The following HMGCLL1 variants were observed in gnomAD, a reference collection of about 807,000 sequenced individuals.
The protein encoded by HMGCLL1 is 3-hydroxymethyl-3-methylglutaryl-CoA lyase, cytoplasmic.
HMGCLL1 carries 36 observed loss-of-function variants against 39.1 expected under a neutral mutation model. The ratio of observed to expected loss-of-function variants is 0.92; its 90% CI spans 0.71 to 1.22. HMGCLL1 has a LOEUF of 1.22. HMGCLL1 is among the 50% of genes most tolerant of loss of function. The pLI is 0.00. For synonymous variants in HMGCLL1, 149 were observed against 144.0 expected (o/e 1.03, Z -0.25); for missense variants, 451 against 416.5 (o/e 1.08, Z -0.72).
At chr6:55,579,495 T>C (rs964238701), upstream of HMGCLL1, among the ~76,000 whole-genome samples, 2 of 152,144 alleles carry the variant, frequency 1.3e-5, no homozygotes, top group African/African-American at 4.8e-5. Context: ...GTTCGTTCAT[T>C]CCCAGCTGCA....
chr6:55,660,076 G>T, the HMGCLL1 span, among the ~76,000 whole-genome samples: 4 of 151,696 alleles, frequency 2.6e-5, no homozygotes, highest in African/African-American at 9.7e-5. Flanking sequence ...ATTAGGGAGG[G>T]AGTCAACTCA....
At position 55,499,295 on chromosome 6, in the gene HMGCLL1, C is replaced by T. The variant is rs769295854; in HGVS notation, c.547G>A (p.Val183Met). The T allele has an allele frequency of 6.9e-6, 11 of 1,595,500 alleles. No homozygotes were observed. The highest frequency in any genetic ancestry group is 6.8e-6 in the Non-Finnish European group (8 of 1,171,172). Residue 183 changes from valine (V) to methionine (M), a missense_variant, in exon 6 of 9, where the codon GTG (valine) becomes ATG (methionine). By Grantham distance (21) the Val-to-Met change is conservative. Coordinates refer to ENST00000274901, the MANE Select transcript of HMGCLL1 (RefSeq NM_001042406.2). Reference protein sequence around the residue: ...RHMNIPARGYVSCALGCPYEG... With the variant: ...RHMNIPARGYMSCALGCPYEG... ...TATGGACAGCCCAGAGCACAAGACA[C>T]ATACCTAAATTAAAAATACAGCCTT... is the stretch of plus-strand genomic sequence containing the variant.
At chr6:55,531,500 G>C (rs773769257) in intron 3 of HMGCLL1, among the ~76,000 whole-genome samples, 5 of 152,066 alleles carry the variant, frequency 3.3e-5, no homozygotes, top group Non-Finnish European at 5.9e-5. Flanking sequence ...GCTTTGAAAG[G>C]TTTTTTTCTC....
the HMGCLL1 span, among the ~76,000 whole-genome samples, chr6:55,648,393 C>A: frequency 8.1e-6 from 1 of 124,128 alleles, no homozygotes; most frequent in African/African-American, 3.2e-5. Flanking sequence ...AATAGAGACA[C>A]AAAAAACCCT....
chr6:55,570,690 T>C (rs2127475845), intron 1 of HMGCLL1, among the ~76,000 whole-genome samples: 1 of 152,322 alleles, frequency 6.6e-6, no homozygotes, highest in South Asian at 2.1e-4. Flanking sequence ...CACTGGACTT[T>C]TACTCCATTC....
Position 55,515,929 on chromosome 6 carries a change from C to T in HMGCLL1, c.393+579G>A, listed in dbSNP as rs780281434. Among the ~76,000 whole-genome samples the T allele has an allele frequency of 4.6e-4, 70 of 151,972 alleles. No homozygotes were observed. In the Middle Eastern group the frequency reaches 0.01, roughly 22 times the overall value. On this transcript the variant is annotated intron_variant, in intron 4 of 8. Coordinates refer to ENST00000274901, the MANE Select transcript of HMGCLL1 (RefSeq NM_001042406.2). ...AAAACCTATGCAATAAGCCCATATACGGATAACACCTTAAAATTGAAGAGG... is the reference window on the plus strand; with the variant it reads ...AAAACCTATGCAATAAGCCCATATATGGATAACACCTTAAAATTGAAGAGG...
At chr6:55,604,142 G>A in the HMGCLL1 span, among the ~76,000 whole-genome samples, 1 of 152,050 alleles carries the variant, frequency 6.6e-6, no homozygotes, top group African/African-American at 2.4e-5. Context: ...CAGCAAGGGA[G>A]TTGGCCCAGT....
At chr6:55,596,234 G>A in the HMGCLL1 span, among the ~76,000 whole-genome samples, 1 of 152,136 alleles carries the variant, frequency 6.6e-6, no homozygotes, top group Non-Finnish European at 1.5e-5. Context: ...GGCTGAGGCA[G>A]GAAAATCGCT....
the HMGCLL1 span, among the ~76,000 whole-genome samples, chr6:55,661,254 G>A: frequency 6.6e-6 from 1 of 151,502 alleles, no homozygotes; most frequent in Non-Finnish European, 1.5e-5. Context: ...CTTTTTTTGT[G>A]ATTGCTTTTG....
rs770634801 is a variant in HMGCLL1, at chr6:55,563,866, G to A, written c.108+15082C>T. Reference sequence around the variant, plus strand: ...GCCCTCAAATATGATGGGGATCAGGGCTTCCTGAGAGGTCCATGGTGCAGC... The same window carrying A: ...GCCCTCAAATATGATGGGGATCAGGACTTCCTGAGAGGTCCATGGTGCAGC... On this transcript the variant is annotated intron_variant, in intron 1 of 8. Coordinates refer to ENST00000274901, the MANE Select transcript of HMGCLL1 (RefSeq NM_001042406.2). The A allele has an allele frequency of 1.7e-5, 22 of 1,287,744 alleles. 1 individual carries two copies. In the South Asian group the frequency reaches 2.6e-4, roughly 15 times the overall value. The allele number at this position is 1,287,744 out of a possible 1,614,324, so 79.8% of individuals were successfully genotyped here.
chr6:55,655,517 T>C, the HMGCLL1 span, among the ~76,000 whole-genome samples: 2 of 145,278 alleles, frequency 1.4e-5, no homozygotes, highest in Non-Finnish European at 3.0e-5. Flanking sequence ...GATAGTTGGA[T>C]AGGTAGGTAG....
chr6:55,621,438 T>C, the HMGCLL1 span, among the ~76,000 whole-genome samples: 1 of 151,982 alleles, frequency 6.6e-6, no homozygotes, highest in Admixed American at 6.6e-5. Context: ...CTGCTCCCCA[T>C]TGCTCACATT....
intron 3 of HMGCLL1, among the ~76,000 whole-genome samples, chr6:55,523,024 A>G (rs1279739833): frequency 6.6e-6 from 1 of 152,002 alleles, no homozygotes; most frequent in East Asian, 1.9e-4. Flanking sequence ...ATATAACTTG[A>G]CCACCTCTCT....
chr6:55,583,352 C>A (rs943267837), upstream of HMGCLL1, among the ~76,000 whole-genome samples: 7 of 151,958 alleles, frequency 4.6e-5, no homozygotes, highest in Admixed American at 2.6e-4. Flanking sequence ...CCTCTCCCCC[C>A]ACCCCACAAC....
At chr6:55,487,173 T>C (rs1766074285) in intron 7 of HMGCLL1, among the ~76,000 whole-genome samples, 1 of 152,070 alleles carries the variant, frequency 6.6e-6, no homozygotes, top group Admixed American at 6.6e-5. Context: ...CTTTAGTCTC[T>C]GGGTCTCTGG....
chr6:55,630,295 A>T, the HMGCLL1 span, among the ~76,000 whole-genome samples: 1 of 152,126 alleles, frequency 6.6e-6, no homozygotes, highest in African/African-American at 2.4e-5. Context: ...TTGGACAAGA[A>T]TGGGGTGGGT....
rs373346216 is a variant in HMGCLL1 at position 55,479,183 on chromosome 6, G to A, written c.795+16236C>T. ...TCACCAGGCTTGGGCTTCATACAAG[G>A]ACCATTTACCATACAACAGGAAAGT... On this transcript the variant is annotated intron_variant, in intron 7 of 8. Transcript: ENST00000274901. Among the ~76,000 whole-genome samples, 36 of 151,574 alleles carry A rather than the reference G, an allele frequency of 2.4e-4. 2 individuals carry two copies. The highest frequency in any genetic ancestry group is 8.5e-4 in the African/African-American group (35 of 41,020).
the HMGCLL1 span, among the ~76,000 whole-genome samples, chr6:55,672,507 C>T: frequency 6.6e-6 from 1 of 151,696 alleles, no homozygotes; most frequent in Non-Finnish European, 1.5e-5. Context: ...ATAATATAAT[C>T]AAATTGAACA....
At chr6:55,580,406 C>CTTTTTT (rs145371462), upstream of HMGCLL1, among the ~76,000 whole-genome samples, 365 of 73,268 alleles carry the variant, frequency 5.0e-3, 9 homozygotes, top group African/African-American at 8.5e-3. Flanking sequence ...TTTTTTCTTT[C>CTTTTTT]TTTTTTTTTT....
Sources: allele counts gnomAD v4.1 joint callset (sites outside exome capture counted in the v4.1 genomes callset), GRCh38; gene constraint gnomAD v4.1.1; transcripts MANE v1.5; gene names NCBI Gene and HGNC (gene_info 2026-07-23, HGNC 2026-07-21).